Variants in ABCA13 observed in about 807,000 individuals in gnomAD.
The protein encoded by ABCA13 is ATP binding cassette subfamily A member 13, also known as ATP-binding cassette sub-family A member 13.
Under a neutral mutation model 478.7 loss-of-function variants are expected in ABCA13, and 476 were observed. That is an observed-to-expected ratio of 0.99 (90% CI 0.92 to 1.07). ABCA13 has a LOEUF of 1.07. Among genes scored for constraint, ABCA13 ranks in the 50% least tolerant of loss-of-function variants. The probability of loss-of-function intolerance (pLI) is 0.00; values close to 1 mark genes in which losing one functional copy is unlikely to be tolerated. For synonymous variants in ABCA13, 2,252 were observed against 2,158.9 expected, an observed-to-expected ratio of 1.04 and a Z score of -1.20; for missense variants, 6,060 against 5,910.6, an observed-to-expected ratio of 1.03 and a Z score of -0.83.
At chr7:48,188,224 T>A (rs151113797) in intron 1 of ABCA13, among the ~76,000 whole-genome samples, 5,855 of 152,332 alleles carry the variant, frequency 0.038, 202 homozygotes, top group Admixed American at 0.11. Context: ...TGAAAAATTG[T>A]TAAACGTTTT....
At chr7:48,499,213 G>A (rs947785177) in intron 48 of ABCA13, among the ~76,000 whole-genome samples, 2 of 152,180 alleles carry the variant, frequency 1.3e-5, no homozygotes, top group African/African-American at 4.8e-5. Context: ...TCATCAAAAC[G>A]CCTTGTAGTC....
chr7:48,420,750 T>A (rs1160748603), intron 41 of ABCA13, among the ~76,000 whole-genome samples: 1 of 148,964 alleles, frequency 6.7e-6, no homozygotes, highest in Non-Finnish European at 1.5e-5. Flanking sequence ...TTTTTTTGAC[T>A]TTTTTTTAGA....
At chr7:48,488,665 G>T (rs563843344) in intron 47 of ABCA13, among the ~76,000 whole-genome samples, 20 of 152,076 alleles carry the variant, frequency 1.3e-4, no homozygotes, top group Non-Finnish European at 1.6e-4. Flanking sequence ...TTGATACTTT[G>T]AAATATAGAT....
rs190495147 is a variant in ABCA13, at chr7:48,251,680, A to G, written c.2005+2329A>G. Among the ~76,000 whole-genome samples, 10 of 151,830 alleles carry G rather than the reference A, an allele frequency of 6.6e-5. No individual in the cohort carries two copies. In the East Asian group the frequency reaches 1.9e-3, roughly 29 times the overall value. On this transcript the variant is annotated intron_variant, in intron 15 of 61. Coordinates refer to ENST00000435803, the MANE Select transcript of ABCA13 (RefSeq NM_152701.5). ...TTTTACTAAATATGTATATTATTTT[A>G]TTAATTTATTTTTTATCTTTATTAT...
intron 29 of ABCA13, among the ~76,000 whole-genome samples, chr7:48,338,963 G>A (rs898496454): frequency 3.3e-5 from 5 of 152,152 alleles, no homozygotes; most frequent in Non-Finnish European, 7.4e-5. Context: ...CCATAGAGGG[G>A]CATAAAATAT....
intron 24 of ABCA13, among the ~76,000 whole-genome samples, chr7:48,310,557 G>A (rs1003992601): frequency 2.0e-5 from 3 of 152,286 alleles, no homozygotes; most frequent in Admixed American, 6.5e-5. Context: ...GCCCGAGTTA[G>A]GTGCTGCTCC....
intron 47 of ABCA13, among the ~76,000 whole-genome samples, chr7:48,484,164 A>G (rs1473992577): frequency 6.6e-6 from 1 of 152,224 alleles, no homozygotes; most frequent in Non-Finnish European, 1.5e-5. Flanking sequence ...AAGTTCTTAC[A>G]GGTGCTTCAC....
chr7:48,594,619 C>G, intron 57 of ABCA13, 91 bp from the exon 58 acceptor site: 1 of 1,221,440 alleles, frequency 8.2e-7, no homozygotes, highest in Non-Finnish European at 1.2e-6. Context: ...AGAGATTTTT[C>G]TTTCACCTGG....
intron 19 of ABCA13, among the ~76,000 whole-genome samples, chr7:48,282,823 A>C (rs1408728710): frequency 1.3e-5 from 2 of 152,146 alleles, no homozygotes; most frequent in African/African-American, 4.8e-5. Flanking sequence ...CTGATGATGA[A>C]CATGTGTCTC....
At position 48,276,150 on chromosome 7, in the gene ABCA13, G is replaced by A; in HGVS notation, c.6484G>A (p.Ala2162Thr). ...ESSTEDIALL[A>T]KAIATFWGSL... Reference sequence around the variant, plus strand: ...TTCAACTGAAGATATAGCTTTGTTAGCCAAAGCTATTGCTACTTTTTGGGG... The same window carrying A: ...TTCAACTGAAGATATAGCTTTGTTAACCAAAGCTATTGCTACTTTTTGGGG... The change falls in exon 17 of 62, where the codon GCC becomes ACC. Residue 2162 changes from alanine (A) to threonine (T), a missense_variant. Around this residue, in one of 3 missense-constraint regions of ABCA13, gnomAD observed 4,423 missense variants for 4,309.1 expected, o/e 1.03. Transcript: ENST00000435803. 1.3e-6 allele frequency: 2 copies of A among 1,596,588 alleles called. No individual in the cohort carries two copies. Among genetic ancestry groups the A allele is most frequent in the Non-Finnish European group, 1.7e-6 (2 of 1,171,516 alleles).
intron 55 of ABCA13, among the ~76,000 whole-genome samples, chr7:48,544,998 T>G (rs770413022): frequency 1.4e-4 from 21 of 152,066 alleles, no homozygotes; most frequent in Non-Finnish European, 2.9e-4. Flanking sequence ...ACACATTTGG[T>G]CACAGAAGTC....
At chr7:48,305,746 T>C (rs1280893359) in intron 23 of ABCA13, among the ~76,000 whole-genome samples, 1 of 152,188 alleles carries the variant, frequency 6.6e-6, no homozygotes, top group Non-Finnish European at 1.5e-5. Context: ...CTAAGGATCA[T>C]TGTCATTTTT....
chr7:48,391,225 A>G (rs1049947483), intron 37 of ABCA13, among the ~76,000 whole-genome samples: 1 of 152,164 alleles, frequency 6.6e-6, no homozygotes, highest in Non-Finnish European at 1.5e-5. Flanking sequence ...TTTTGCTTAT[A>G]TTTAATGATG....
chr7:48,507,869 C>T lies in ABCA13; in HGVS notation c.13347-3C>T. 6.2e-7 allele frequency: 1 copy of T among 1,602,270 alleles called. No individual in the cohort carries two copies. The highest frequency in any genetic ancestry group is 8.5e-7 in the Non-Finnish European group (1 of 1,173,884). On this transcript the variant is annotated splice_polypyrimidine_tract_variant and splice_region_variant and intron_variant, in intron 49 of 61. Transcript: ENST00000435803. ...CCTGAGAGCTGCTCTGTTCCACCCGCAGCCTGGAGAGCATCCGTCAGTGTG... is the reference window on the plus strand; with the variant it reads ...CCTGAGAGCTGCTCTGTTCCACCCGTAGCCTGGAGAGCATCCGTCAGTGTG...
In ABCA13 at chr7:48,412,537, A is replaced by C. The variant is rs1453969424; in HGVS notation, c.12413A>C (p.Gln4138Pro). 1 of 1,613,310 alleles carries C rather than the reference A, an allele frequency of 6.2e-7. No homozygotes were observed. Among genetic ancestry groups the C allele is most frequent in the South Asian group, 1.1e-5 (1 of 91,010 alleles). The stretch of plus-strand genomic sequence containing the variant: ...CAGGCCCTGGATGAGAACCTGCATC[A>C]GCTGCACCTGACGGGCTATGGGATC... ...LFQALDENLH[Q>P]LHLTGYGISD... The change falls in exon 41 of 62, where the codon CAG becomes CCG. Residue 4138 changes from glutamine (Q) to proline (P), a missense_variant. This residue lies in a region of ABCA13 where 1,627 missense variants were observed against 1,571.0 expected (regional missense o/e 1.04). Transcript: ENST00000435803.
In ABCA13 at chr7:48,272,835, G is replaced by GTGA. The variant is rs1562930339; in HGVS notation, c.3171_3173dup (p.Val1057_Ile1058insMet). On this transcript the variant is annotated inframe_insertion, in exon 17 of 62. Transcript: ENST00000435803. ...GTCTACAGAGGGCCAAGAACTGGAA[G>GTGA]TGATCCACACTACTTTGACAGGCCT... 1 of 1,607,286 alleles carries GTGA rather than the reference G, an allele frequency of 6.2e-7. No homozygotes were observed. Among genetic ancestry groups the GTGA allele is most frequent in the Admixed American group, 1.7e-5 (1 of 59,018 alleles).
chr7:48,414,492 G>A (rs1343261241), intron 41 of ABCA13, among the ~76,000 whole-genome samples: 1 of 150,868 alleles, frequency 6.6e-6, no homozygotes, highest in Non-Finnish European at 1.5e-5. Flanking sequence ...GATTCATCCA[G>A]CTATATTTTT....
intron 55 of ABCA13, among the ~76,000 whole-genome samples, chr7:48,568,389 A>G (rs756826821): frequency 5.9e-5 from 9 of 152,102 alleles, no homozygotes; most frequent in Non-Finnish European, 1.0e-4. Flanking sequence ...TATTCCATTA[A>G]CATGGTATAG....
chr7:48,493,201 C>G (rs1484793585), intron 48 of ABCA13, among the ~76,000 whole-genome samples: 1 of 152,056 alleles, frequency 6.6e-6, no homozygotes, highest in Non-Finnish European at 1.5e-5. Flanking sequence ...AGTCTTTATT[C>G]ATAGGTATTC....
Sources: gnomAD v4.1 joint callset for allele counts (sites outside exome capture counted in the v4.1 genomes callset) on GRCh38, gnomAD v4.1.1 for gene constraint, gnomAD v4.1.1 regional missense constraint, MANE v1.5 for transcripts, NCBI Gene and HGNC (gene_info 2026-07-23, HGNC 2026-07-21) for gene names.